The following GRIK1 variants were observed in gnomAD, a reference collection of about 807,000 sequenced individuals.
GRIK1 encodes glutamate ionotropic receptor kainate type subunit 1.
A neutral mutation model predicts 105.7 loss-of-function variants in GRIK1; 69 were observed. The ratio of observed to expected loss-of-function variants is 0.65; its 90% CI spans 0.54 to 0.80. The LOEUF (loss-of-function observed/expected upper bound fraction) is 0.80. GRIK1 is among the 30% of genes least tolerant of loss of function. The pLI is 0.00. For missense variants in GRIK1, 1,109 were observed against 1,167.3 expected (o/e 0.95, Z 0.73); for synonymous variants, 438 against 431.3 (o/e 1.02, Z -0.19).
At chr21:29,658,063 C>T (rs111276221) in intron 4 of GRIK1, among the ~76,000 whole-genome samples, 1,838 of 152,150 alleles carry the variant, frequency 0.012, 31 homozygotes, top group African/African-American at 0.042. Flanking sequence ...AGTATGTATA[C>T]TTTATTAGGG....
At position 29,707,367 on chromosome 21, in the gene GRIK1, A is replaced by G. The variant is rs2063932246; in HGVS notation, c.119-13304T>C. Among the ~76,000 whole-genome samples the G allele has an allele frequency of 3.3e-5, 5 of 150,170 alleles. No individual in the cohort carries two copies. In the South Asian group the frequency reaches 1.0e-3, roughly 31 times the overall value. ...ATTTCCTTCTATTCTTTTCCTACAC[A>G]TACCTGAATTTTCTCTGAAATAGTT... is the stretch of plus-strand genomic sequence containing the variant. On this transcript the variant is annotated intron_variant, in intron 1 of 17. Transcript: ENST00000327783.
At chr21:29,864,252 A>G (rs562771120) in intron 1 of GRIK1, among the ~76,000 whole-genome samples, 1 of 152,302 alleles carries the variant, frequency 6.6e-6, no homozygotes, top group African/African-American at 2.4e-5. Flanking sequence ...TTTCAAAGAC[A>G]TAATTTCATT....
chr21:29,768,654 A>T (rs2065736121), intron 1 of GRIK1, among the ~76,000 whole-genome samples: 1 of 152,192 alleles, frequency 6.6e-6, no homozygotes, highest in Non-Finnish European at 1.5e-5. Flanking sequence ...GGGGGATGCC[A>T]CCTGAACCCC....
intron 4 of GRIK1, among the ~76,000 whole-genome samples, chr21:29,668,944 G>T (rs902668106): frequency 2.0e-5 from 3 of 152,146 alleles, no homozygotes; most frequent in African/African-American, 7.2e-5. Flanking sequence ...AAAGCATCAG[G>T]ACCCTGCTGC....
chr21:29,543,339 C>G (rs2090000517), intron 16 of GRIK1, among the ~76,000 whole-genome samples: 1 of 152,144 alleles, frequency 6.6e-6, no homozygotes, highest in Non-Finnish European at 1.5e-5. Flanking sequence ...CTTGTACAGT[C>G]TGGTCACCTA....
intron 6 of GRIK1, among the ~76,000 whole-genome samples, chr21:29,647,560 A>G (rs1295463843): frequency 6.6e-6 from 1 of 152,208 alleles, no homozygotes; most frequent in Admixed American, 6.5e-5. Flanking sequence ...AGTGGATATG[A>G]AGAACTGGAA....
intron 1 of GRIK1, among the ~76,000 whole-genome samples, chr21:29,812,053 C>T (rs1008940385): frequency 6.6e-6 from 1 of 152,152 alleles, no homozygotes; most frequent in African/African-American, 2.4e-5. Context: ...TTTATTTCTA[C>T]AGGTCAGTTA....
intron 1 of GRIK1, among the ~76,000 whole-genome samples, chr21:29,762,448 G>C (rs2065551753): frequency 6.6e-6 from 1 of 152,188 alleles, no homozygotes; most frequent in Non-Finnish European, 1.5e-5. Flanking sequence ...ACATTTGAAG[G>C]TAAGCAGGCC....
At chr21:29,831,131 T>C (rs2067624710) in intron 1 of GRIK1, among the ~76,000 whole-genome samples, 1 of 152,190 alleles carries the variant, frequency 6.6e-6, no homozygotes, top group African/African-American at 2.4e-5. Flanking sequence ...GCAGTTTCGG[T>C]AGATTTTGCT....
intron 1 of GRIK1, among the ~76,000 whole-genome samples, chr21:29,723,690 A>G (rs755302872): frequency 2.6e-5 from 4 of 152,218 alleles, no homozygotes; most frequent in Non-Finnish European, 5.9e-5. Flanking sequence ...CAATTAATGC[A>G]TATGGAACAA....
At chr21:29,639,427 T>C (rs1054533308) in intron 7 of GRIK1, among the ~76,000 whole-genome samples, 19 of 152,122 alleles carry the variant, frequency 1.2e-4, no homozygotes, top group African/African-American at 4.3e-4. Flanking sequence ...GTCCTGCAGA[T>C]AGGAGCTAGT....
intron 1 of GRIK1, among the ~76,000 whole-genome samples, chr21:29,928,750 G>T (rs1602071702): frequency 6.6e-6 from 1 of 152,158 alleles, no homozygotes. Context: ...AGGGATTTGG[G>T]CAGTGAATGC....
At chr21:29,630,407 G>T in intron 7 of GRIK1, 2 of 427,390 alleles carry the variant, frequency 4.7e-6, no homozygotes, top group Non-Finnish European at 9.5e-6. Context: ...ATGCAATTAG[G>T]TATCTGTAAT....
chr21:29,563,426 A>T (rs1339325274), intron 14 of GRIK1, among the ~76,000 whole-genome samples: 2 of 152,186 alleles, frequency 1.3e-5, no homozygotes, highest in Non-Finnish European at 2.9e-5. Context: ...TAACAATTCA[A>T]TAAACAGTAC....
intron 1 of GRIK1, among the ~76,000 whole-genome samples, chr21:29,735,518 C>T (rs993382521): frequency 1.3e-5 from 2 of 152,190 alleles, no homozygotes; most frequent in African/African-American, 4.8e-5. Flanking sequence ...CTTATATATG[C>T]TATTCTCTTC....
chr21:29,797,467 T>C (rs529307124), intron 1 of GRIK1, among the ~76,000 whole-genome samples: 67 of 152,316 alleles, frequency 4.4e-4, no homozygotes, highest in African/African-American at 1.4e-3. Flanking sequence ...TGGAGAGATG[T>C]AGAGACATTG....
intron 7 of GRIK1, among the ~76,000 whole-genome samples, chr21:29,604,408 G>A (rs1238854324): frequency 6.6e-6 from 1 of 152,088 alleles, no homozygotes; most frequent in Admixed American, 6.6e-5. Context: ...TAGATTAGCT[G>A]CATTTCTGTA....
chr21:29,676,617 G>A (rs969314712), intron 3 of GRIK1, among the ~76,000 whole-genome samples: 6 of 152,226 alleles, frequency 3.9e-5, no homozygotes, highest in East Asian at 3.9e-4. Context: ...ACCCAACCCT[G>A]CCAGAACCCC....
At chr21:29,756,009 T>G (rs1023702874) in intron 1 of GRIK1, among the ~76,000 whole-genome samples, 1 of 152,144 alleles carries the variant, frequency 6.6e-6, no homozygotes, top group Admixed American at 6.5e-5. Context: ...TCTTAAAGAA[T>G]GCAAAAAACA....
Sources: allele counts gnomAD v4.1 joint callset (sites outside exome capture counted in the v4.1 genomes callset), GRCh38; gene constraint gnomAD v4.1.1; transcripts MANE v1.5; gene names NCBI Gene and HGNC (gene_info 2026-07-23, HGNC 2026-07-21).